The following VIPR2 variants were observed in gnomAD, a reference collection of about 807,000 sequenced individuals.
VIPR2 encodes vasoactive intestinal peptide receptor 2.
In VIPR2, 48 loss-of-function variants were observed where a neutral mutation model predicts 58.0. The ratio of observed to expected loss-of-function variants is 0.83; its 90% confidence interval spans 0.66 to 1.05. The LOEUF (loss-of-function observed/expected upper bound fraction) is 1.05. Among genes scored for constraint, VIPR2 ranks in the 50% least tolerant of loss-of-function variants. The probability of loss-of-function intolerance (pLI) is 0.00; values close to 1 mark genes in which losing one functional copy is unlikely to be tolerated. For missense variants in VIPR2, 534 were observed against 558.0 expected, an observed-to-expected ratio of 0.96 and a Z score of 0.43; for synonymous variants, 243 against 235.2, an observed-to-expected ratio of 1.03 and a Z score of -0.30.
At chr7:159,040,458 C>A (rs566079166) in intron 6 of VIPR2, among the ~76,000 whole-genome samples, 3 of 152,224 alleles carry the variant, frequency 2.0e-5, no homozygotes, top group Non-Finnish European at 2.9e-5. Flanking sequence ...CGCAGGGGAA[C>A]CTGCTGTGGC....
chr7:159,062,696 T>C (rs939797804), intron 4 of VIPR2, among the ~76,000 whole-genome samples: 2 of 150,662 alleles, frequency 1.3e-5, no homozygotes, highest in African/African-American at 4.9e-5. Context: ...CAAGATTTAT[T>C]ACAAAGGGCA....
chr7:159,103,988 C>T, intron 3 of VIPR2, 134 bp from the exon 4 acceptor site: 1 of 743,030 alleles, frequency 1.3e-6, no homozygotes, highest in Non-Finnish European at 2.2e-6. Flanking sequence ...GACAGGACTG[C>T]CACTCAAAAA....
chr7:159,097,222 G>C lies in VIPR2; in HGVS notation c.357+6535C>G, dbSNP rs1357431124. The C allele has an allele frequency of 7.0e-7, 1 of 1,420,654 alleles. No homozygotes were observed. Among genetic ancestry groups the C allele is most frequent in the African/African-American group, 1.4e-5 (1 of 69,530 alleles). 88.0% of individuals were successfully genotyped at this position (1,420,654 alleles called of 1,614,324 possible). On this transcript the variant is annotated intron_variant, in intron 4 of 12. Transcript: ENST00000262178. The surrounding 1 kb of genome is among the most constrained non-coding windows in gnomAD (Gnocchi z 5.3). ...TGAAGTTTGCCATCAGTGGGAACGA[G>C]TCACTGCGGTGGCCTGAGTGCTGGA...
chr7:159,144,588 C>T lies in VIPR2; in HGVS notation c.51+133G>A, dbSNP rs1469424293. ...GGAAGCTCCGGACCCCGGGCGACCC[C>T]GCTCCCTCTCCCGGACCCCGCCCGC... is the stretch of plus-strand genomic sequence containing the variant. On this transcript the variant is annotated intron_variant, in intron 1 of 12. Coordinates refer to ENST00000262178, the MANE Select transcript of VIPR2 (RefSeq NM_003382.5). 5 of 1,397,126 alleles carry T rather than the reference C, an allele frequency of 3.6e-6. No homozygotes were observed. The Admixed American group carries it at 8.7e-5, about 24-fold the overall frequency. The allele number at this position is 1,397,126 out of a possible 1,614,324, so 86.5% of individuals were successfully genotyped here.
At chr7:159,132,781 T>C (rs1165189765) in intron 2 of VIPR2, among the ~76,000 whole-genome samples, 1 of 142,526 alleles carries the variant, frequency 7.0e-6, no homozygotes, top group Non-Finnish European at 1.6e-5. Context: ...GACAGAATGA[T>C]TGGCATACAG....
intron 2 of VIPR2, among the ~76,000 whole-genome samples, chr7:159,111,877 A>T (rs1796018087): frequency 6.6e-6 from 1 of 152,050 alleles, no homozygotes; most frequent in Non-Finnish European, 1.5e-5. Context: ...TGGAGGTAAC[A>T]GAGCATGCCT....
chr7:159,085,722 T>C (rs1857134341), intron 4 of VIPR2, among the ~76,000 whole-genome samples: 1 of 152,076 alleles, frequency 6.6e-6, no homozygotes. Context: ...TTCAGTTTTT[T>C]TTTTTCGTTA....
At chr7:159,101,863 G>A (rs1173673306) in intron 4 of VIPR2, among the ~76,000 whole-genome samples, 5 of 123,652 alleles carry the variant, frequency 4.0e-5, no homozygotes, top group South Asian at 2.8e-4. Flanking sequence ...CCGACGAGGC[G>A]GTTCCCACTG....
chr7:159,082,079 T>A (rs896718114), intron 4 of VIPR2, among the ~76,000 whole-genome samples: 1 of 152,190 alleles, frequency 6.6e-6, no homozygotes, highest in Non-Finnish European at 1.5e-5. Context: ...GATCTACAAC[T>A]AGAAATACCA....
intron 4 of VIPR2, among the ~76,000 whole-genome samples, chr7:159,089,667 A>G (rs766919110): frequency 6.6e-6 from 1 of 152,240 alleles, no homozygotes; most frequent in Non-Finnish European, 1.5e-5. Flanking sequence ...AAGTCTTTAC[A>G]TGCTTTACAA....
intron 2 of VIPR2, among the ~76,000 whole-genome samples, chr7:159,132,634 C>T (rs1382847222): frequency 1.3e-5 from 2 of 152,262 alleles, no homozygotes; most frequent in African/African-American, 4.8e-5. Flanking sequence ...AGGGGGATGA[C>T]TCCGAGTCAC....
chr7:159,054,504 T>C (rs370856996), intron 5 of VIPR2, among the ~76,000 whole-genome samples: 1 of 152,120 alleles, frequency 6.6e-6, no homozygotes, highest in Admixed American at 6.5e-5. Context: ...AACAGAAAAA[T>C]GAGCAAACTC....
At chr7:159,035,675 C>A in intron 8 of VIPR2, 1 of 984,660 alleles carries the variant, frequency 1.0e-6, no homozygotes, top group Non-Finnish European at 1.2e-6. Context: ...GCTGTGCCCA[C>A]CGCAGGGGCT....
Position 159,043,027 on chromosome 7 carries a change from A to C in VIPR2, c.597+8T>G, listed in dbSNP as rs201855764. ...GACAGTGGGACCCTGTGGTGGGGACAGCCTTACCCAGGAGGATGGCTGGTC... is the reference window on the plus strand; with the variant it reads ...GACAGTGGGACCCTGTGGTGGGGACCGCCTTACCCAGGAGGATGGCTGGTC... On this transcript the variant is annotated splice_region_variant and intron_variant, in intron 6 of 12. Coordinates refer to ENST00000262178, the MANE Select transcript of VIPR2 (RefSeq NM_003382.5). The C allele has an allele frequency of 2.1e-4, 342 of 1,613,270 alleles. No individual in the cohort carries two copies. Among genetic ancestry groups the C allele is most frequent in the Non-Finnish European group, 2.7e-4 (319 of 1,179,550 alleles).
chr7:159,074,805 C>T (rs1856560909), intron 4 of VIPR2, among the ~76,000 whole-genome samples: 1 of 152,074 alleles, frequency 6.6e-6, no homozygotes, highest in South Asian at 2.1e-4. Context: ...CTGGTCAACA[C>T]AGTGAGACTC....
At chr7:159,057,649 T>C (rs906969061) in intron 5 of VIPR2, among the ~76,000 whole-genome samples, 2 of 152,196 alleles carry the variant, frequency 1.3e-5, no homozygotes, top group East Asian at 1.9e-4. Flanking sequence ...GATTGATACA[T>C]AGAATAAGCT....
chr7:159,136,204 G>T (rs1274605047), intron 2 of VIPR2, among the ~76,000 whole-genome samples: 2 of 152,298 alleles, frequency 1.3e-5, no homozygotes, highest in East Asian at 3.9e-4. Context: ...ACTTTTCAGG[G>T]TTCCCAGGTG....
chr7:159,135,770 T>C (rs1563357973), intron 2 of VIPR2, among the ~76,000 whole-genome samples: 1 of 152,050 alleles, frequency 6.6e-6, no homozygotes, highest in African/African-American at 2.4e-5. Context: ...TTGCAGTGAG[T>C]TGAGATCATG....
intron 6 of VIPR2, among the ~76,000 whole-genome samples, chr7:159,037,980 A>G (rs1405749490): frequency 6.6e-6 from 1 of 152,204 alleles, no homozygotes; most frequent in African/African-American, 2.4e-5. Context: ...TTACATATGT[A>G]TGGGTGGATA....
Sources: gnomAD v4.1 joint callset for allele counts (sites outside exome capture counted in the v4.1 genomes callset) on GRCh38, gnomAD v4.1.1 for gene constraint, Gnocchi (gnomAD v3.1) non-coding constraint, MANE v1.5 for transcripts, NCBI Gene and HGNC (gene_info 2026-07-23, HGNC 2026-07-21) for gene names.